The following ACVR1B variants were observed in gnomAD, a reference collection of about 807,000 sequenced individuals.
ACVR1B encodes the protein activin A receptor type 1B.
ACVR1B carries 15 observed loss-of-function variants against 55.6 expected under a neutral mutation model. The ratio of observed to expected loss-of-function variants is 0.27; its 90% CI spans 0.18 to 0.42. The LOEUF is 0.42. Ranked by LOEUF, ACVR1B falls within the 10% of genes least tolerant of loss-of-function variation. The pLI, the probability that ACVR1B is intolerant of heterozygous loss-of-function variation, is 1.00. For synonymous variants in ACVR1B, 247 were observed against 254.6 expected (o/e 0.97, Z 0.28); for missense variants, 359 against 670.1 (o/e 0.54, Z 5.13).
At chr12:51,991,095 T>C (rs1035172097) in intron 7 of ACVR1B, among the ~76,000 whole-genome samples, 8 of 152,346 alleles carry the variant, frequency 5.3e-5, no homozygotes, top group South Asian at 2.1e-4. Context: ...TCCCATGATA[T>C]ATAGTTGGAA....
rs768213198 is a variant in ACVR1B at position 51,994,226 on chromosome 12, C to T, written c.*116C>T. 7.8e-5 allele frequency: 115 copies of T among 1,470,718 alleles called. No homozygotes were observed. The highest frequency in any genetic ancestry group is 9.9e-5 in the Non-Finnish European group (108 of 1,094,654). 91.1% of individuals were successfully genotyped at this position (1,470,718 alleles called of 1,614,324 possible). On this transcript the variant is annotated 3_prime_UTR_variant, in exon 9 of 9. Transcript: ENST00000257963. The surrounding 1 kb of genome is among the most constrained non-coding windows in gnomAD (Gnocchi z 4.2). ...TGCCCAGCCCTCTGTGGCCAGGAGCCCTGGCCCGCAAGAGGGACAGAGCCC... is the reference window on the plus strand; with the variant it reads ...TGCCCAGCCCTCTGTGGCCAGGAGCTCTGGCCCGCAAGAGGGACAGAGCCC...
chr12:51,990,311 G>GTTTTTTTTT (rs1406264033), intron 7 of ACVR1B, among the ~76,000 whole-genome samples: 1 of 73,494 alleles, frequency 1.4e-5, no homozygotes, highest in Non-Finnish European at 2.5e-5. Context: ...CAAATTTAGT[G>GTTTTTTTTT]CTTTTTTTTT....
chr12:51,953,414 G>A, intron 1 of ACVR1B: 1 of 985,296 alleles, frequency 1.0e-6, no homozygotes, highest in Non-Finnish European at 1.2e-6. Context: ...TGTGTTCTTC[G>A]GCCTCACTGC....
rs1044812535 is a variant in ACVR1B, at chr12:51,993,981, A to G, written c.1393-4A>G. On this transcript the variant is annotated splice_polypyrimidine_tract_variant and splice_region_variant and intron_variant, in intron 8 of 8. Coordinates refer to ENST00000257963, the MANE Select transcript of ACVR1B (RefSeq NM_004302.5). ...GAGCTGATGGCTCCTGGGTCTCTGC[A>G]CAGGCACTGCGGGTGATGGGGAAGA... 1 of 1,613,760 alleles carries G rather than the reference A, an allele frequency of 6.2e-7. No individual in the cohort carries two copies. Among genetic ancestry groups the G allele is most frequent in the Non-Finnish European group, 8.5e-7 (1 of 1,180,000 alleles).
chr12:51,989,957 C>T (rs1158133239), intron 7 of ACVR1B, among the ~76,000 whole-genome samples: 1 of 151,984 alleles, frequency 6.6e-6, no homozygotes, highest in African/African-American at 2.4e-5. Context: ...TGCACTCCAG[C>T]CTGGGCAACA....
chr12:51,985,124 C>G, intron 5 of ACVR1B, 68 bp from the exon 6 acceptor site: 1 of 1,492,802 alleles, frequency 6.7e-7, no homozygotes, highest in East Asian at 2.4e-5. Flanking sequence ...TACAGTCTGG[C>G]TGCATAGTCT....
intron 1 of ACVR1B, among the ~76,000 whole-genome samples, chr12:51,971,027 T>A (rs1209617950): frequency 6.6e-6 from 1 of 152,052 alleles, no homozygotes; most frequent in Non-Finnish European, 1.5e-5. Flanking sequence ...CTGGTGAGGG[T>A]CTGAGGCGGG....
At chr12:51,958,468 C>T (rs1031084807) in intron 1 of ACVR1B, among the ~76,000 whole-genome samples, 7 of 152,010 alleles carry the variant, frequency 4.6e-5, no homozygotes, top group Admixed American at 3.3e-4. Flanking sequence ...CATGGTGAAA[C>T]CCCATCTCTA....
intron 1 of ACVR1B, 68 bp downstream of exon 1, chr12:51,951,902 C>T (rs2120385349): frequency 3.9e-6 from 4 of 1,030,336 alleles, no homozygotes; most frequent in Non-Finnish European, 5.0e-6. Context: ...CCTCGAGCCG[C>T]GGCCGCTGGA....
chr12:51,979,606 C>A (rs1352783941), intron 3 of ACVR1B, among the ~76,000 whole-genome samples: 1 of 152,024 alleles, frequency 6.6e-6, no homozygotes, highest in Non-Finnish European at 1.5e-5. Context: ...GTTTAAAGAA[C>A]TTTTATGATG....
At chr12:51,980,856 G>A in intron 3 of ACVR1B, 113 bp from the exon 4 acceptor site, 1 of 841,714 alleles carries the variant, frequency 1.2e-6, no homozygotes, top group Non-Finnish European at 1.8e-6. Flanking sequence ...TTAATGGACA[G>A]CGTAGGATGA....
intron 1 of ACVR1B, among the ~76,000 whole-genome samples, chr12:51,959,501 A>G (rs1941476874): frequency 6.6e-6 from 1 of 152,212 alleles, no homozygotes; most frequent in Non-Finnish European, 1.5e-5. Context: ...GTAAGCTTGG[A>G]GGAGGACCCA....
In ACVR1B at chr12:51,996,883, C is replaced by T. The variant is rs1000129374; in HGVS notation, c.*2773C>T. 6.6e-6 allele frequency: 1 copy of T among 152,600 alleles called. No individual in the cohort carries two copies. Among genetic ancestry groups the T allele is most frequent in the African/African-American group, 2.4e-5 (1 of 41,440 alleles). 9.5% of individuals were successfully genotyped at this position (152,600 alleles called of 1,614,324 possible). Reference sequence around the variant, plus strand: ...GCCCGTTCTTACGTCGCCATAAAGGCCCCCGAACGGCATTCTCGGTACTTC... The same window carrying T: ...GCCCGTTCTTACGTCGCCATAAAGGTCCCCGAACGGCATTCTCGGTACTTC... On this transcript the variant is annotated 3_prime_UTR_variant, in exon 9 of 9. Coordinates refer to ENST00000257963, the MANE Select transcript of ACVR1B (RefSeq NM_004302.5).
At chr12:51,972,121 T>C (rs1185572929) in intron 1 of ACVR1B, among the ~76,000 whole-genome samples, 3 of 152,192 alleles carry the variant, frequency 2.0e-5, no homozygotes, top group Non-Finnish European at 4.4e-5. Context: ...TTAAAAAATA[T>C]ATTAGCTGGG....
chr12:51,967,492 A>G (rs982707333), intron 1 of ACVR1B, among the ~76,000 whole-genome samples: 6 of 151,666 alleles, frequency 4.0e-5, no homozygotes, highest in African/African-American at 4.8e-5. Context: ...CCAGGAGGCA[A>G]TGGTTGCAGT....
At chr12:51,973,871 C>T (rs537840737) in intron 1 of ACVR1B, among the ~76,000 whole-genome samples, 1 of 152,266 alleles carries the variant, frequency 6.6e-6, no homozygotes. Flanking sequence ...TCGGGTGGGA[C>T]TAGCAAGGAA....
intron 1 of ACVR1B, among the ~76,000 whole-genome samples, chr12:51,962,290 C>T (rs1941547010): frequency 1.3e-5 from 2 of 152,156 alleles, no homozygotes; most frequent in South Asian, 4.1e-4. Context: ...CCCCACCCCC[C>T]ACCATACAAA....
Position 51,975,122 on chromosome 12 carries a change from G to C in ACVR1B, c.92-143G>C, listed in dbSNP as rs570963163. 93 of 1,180,256 alleles carry C rather than the reference G, an allele frequency of 7.9e-5. No individual in the cohort carries two copies. In the African/African-American group the frequency reaches 1.4e-3, roughly 17 times the overall value. The allele number at this position is 1,180,256 out of a possible 1,614,324, so 73.1% of individuals were successfully genotyped here. A position where few individuals can be genotyped will look rare whatever the true frequency, so the allele number is the denominator to read the frequency against. On this transcript the variant is annotated intron_variant, in intron 1 of 8. Transcript: ENST00000257963. ...AAATAAACAGGTGAAGTTGTGCTCA[G>C]TTAAGGATATCTTTTTGGCCCCATC... is the stretch of plus-strand genomic sequence containing the variant.
chr12:51,977,621 T>G (rs1034939333), intron 3 of ACVR1B, among the ~76,000 whole-genome samples: 2 of 148,148 alleles, frequency 1.3e-5, no homozygotes, highest in African/African-American at 5.0e-5. Context: ...TTTTTTTTTT[T>G]TTTTTTTGTT....
Sources: allele counts gnomAD v4.1 joint callset (sites outside exome capture counted in the v4.1 genomes callset), GRCh38; gene constraint gnomAD v4.1.1; non-coding constraint Gnocchi (gnomAD v3.1); transcripts MANE v1.5; gene names NCBI Gene and HGNC (gene_info 2026-07-23, HGNC 2026-07-21).